The following TENM4 variants were observed in gnomAD, a reference collection of about 807,000 sequenced individuals.
TENM4 encodes teneurin transmembrane protein 4.
In TENM4, 82 loss-of-function variants were observed where a neutral mutation model predicts 243.3. The ratio of observed to expected loss-of-function variants is 0.34; its 90% confidence interval spans 0.28 to 0.40. The LOEUF (loss-of-function observed/expected upper bound fraction) is 0.40, where lower values mean the gene tolerates loss of function less well. Among genes scored for constraint, TENM4 ranks in the 10% least tolerant of loss-of-function variants. The probability of loss-of-function intolerance (pLI) is 1.00; values close to 1 mark genes in which losing one functional copy is unlikely to be tolerated. For synonymous variants in TENM4, 1,412 were observed against 1,456.3 expected (o/e 0.97, Z 0.69); for missense variants, 3,138 against 3,673.3 (o/e 0.85, Z 3.77).
chr11:79,021,703 G>T (rs1591215162), intron 6 of TENM4: 1 of 152,214 alleles, frequency 6.6e-6, no homozygotes, highest in South Asian at 2.1e-4. Flanking sequence ...TATAAATGGG[G>T]TGCCCACTGC....
Position 78,830,761 on chromosome 11 carries a change from A to G in TENM4, c.1682-16366T>C, listed in dbSNP as rs1183108803. ...AACCTTCACACTCAGCCGCCAGGAC[A>G]GTAAATTAAGAGAGAGACTCCGGGC... On this transcript the variant is annotated intron_variant, in intron 12 of 33. Coordinates refer to ENST00000278550, the MANE Select transcript of TENM4 (RefSeq NM_001098816.3). Among the ~76,000 whole-genome samples the G allele has an allele frequency of 2.0e-5, 3 of 152,222 alleles. No homozygotes were observed. The East Asian group carries it at 5.8e-4, about 29-fold the overall frequency.
At chr11:79,193,596 C>T (rs1863562386) in intron 3 of TENM4, among the ~76,000 whole-genome samples, 1 of 152,090 alleles carries the variant, frequency 6.6e-6, no homozygotes, top group Admixed American at 6.5e-5. Context: ...GTAGGAAACT[C>T]CCCACAGACT....
At chr11:79,381,272 C>CT (rs397938602) in intron 1 of TENM4, among the ~76,000 whole-genome samples, 5 of 151,818 alleles carry the variant, frequency 3.3e-5, no homozygotes, top group African/African-American at 1.2e-4. Flanking sequence ...CAAGTACCCC[C>CT]TCAGGAAAGC....
Position 78,688,175 on chromosome 11 carries a change from C to A in TENM4, c.5139G>T (p.Val1713=). 1 of 1,613,898 alleles carries A rather than the reference C, an allele frequency of 6.2e-7. No individual in the cohort carries two copies. The highest frequency in any genetic ancestry group is 8.5e-7 in the Non-Finnish European group (1 of 1,179,842). Residue 1713 remains valine (V), a synonymous_variant, in exon 29 of 34, where the codon GTG becomes GTT. Coordinates refer to ENST00000278550, the MANE Select transcript of TENM4 (RefSeq NM_001098816.3). ...TGTCTGTATCACTTCGGAAACTGCT[C>A]ACCTGGCCAGTAGGGAAGGTCACAT... The part of the protein sequence containing the change: ...LTNVTFPTGQ[V]SSFRSDTDSS...
At chr11:79,349,271 T>G (rs1857377141) in intron 1 of TENM4, among the ~76,000 whole-genome samples, 1 of 152,186 alleles carries the variant, frequency 6.6e-6, no homozygotes, top group Admixed American at 6.5e-5. Flanking sequence ...CTAGGAAGTC[T>G]CTTAAATTAG....
At chr11:79,025,001 T>A (rs575687405) in intron 6 of TENM4, among the ~76,000 whole-genome samples, 6 of 152,098 alleles carry the variant, frequency 3.9e-5, no homozygotes, top group African/African-American at 9.6e-5. Flanking sequence ...GACAGCAACA[T>A]CCCTTGAAAA....
At chr11:78,704,111 G>C (rs28630652) in intron 27 of TENM4, among the ~76,000 whole-genome samples, 1 of 142,562 alleles carries the variant, frequency 7.0e-6, no homozygotes, top group South Asian at 2.2e-4. Context: ...ATGTGTGTGT[G>C]TCTATATATA....
chr11:79,027,631 G>C (rs1859114445), intron 6 of TENM4, among the ~76,000 whole-genome samples: 1 of 152,152 alleles, frequency 6.6e-6, no homozygotes, highest in African/African-American at 2.4e-5. Flanking sequence ...GCTCAGTCTT[G>C]TTCAACACAG....
intron 1 of TENM4, among the ~76,000 whole-genome samples, chr11:79,428,601 A>G (rs1565342770): frequency 6.6e-6 from 1 of 152,242 alleles, no homozygotes; most frequent in African/African-American, 2.4e-5. Flanking sequence ...TCAAAGGACT[A>G]TCATGACATC....
intron 3 of TENM4, among the ~76,000 whole-genome samples, chr11:79,206,383 G>A (rs557227295): frequency 6.6e-6 from 1 of 152,216 alleles, no homozygotes; most frequent in South Asian, 2.1e-4. Context: ...CTAATTTGAG[G>A]TCAAAGCTAT....
At chr11:79,122,327 G>A (rs552979301) in intron 4 of TENM4, among the ~76,000 whole-genome samples, 2 of 152,332 alleles carry the variant, frequency 1.3e-5, no homozygotes, top group South Asian at 2.1e-4. Flanking sequence ...TTACTAAGAA[G>A]AGAATGGAGC....
chr11:79,206,650 T>C (rs1334359883), intron 3 of TENM4, among the ~76,000 whole-genome samples: 1 of 151,982 alleles, frequency 6.6e-6, no homozygotes, highest in Non-Finnish European at 1.5e-5. Context: ...ATAAGTCTCA[T>C]GAGATCTGAT....
intron 3 of TENM4, among the ~76,000 whole-genome samples, chr11:79,197,344 T>TTTC: frequency 6.8e-6 from 1 of 146,534 alleles, no homozygotes; most frequent in African/African-American, 2.7e-5. Flanking sequence ...ACCTGGAAGT[T>TTTC]TTTTTTTTTA....
intron 2 of TENM4, among the ~76,000 whole-genome samples, chr11:79,286,745 G>T (rs1856261436): frequency 6.6e-6 from 1 of 152,124 alleles, no homozygotes; most frequent in African/African-American, 2.4e-5. Context: ...TACATAAGCA[G>T]ATATGAAGCA....
At chr11:79,289,630 C>T (rs1303084785) in intron 2 of TENM4, among the ~76,000 whole-genome samples, 1 of 152,268 alleles carries the variant, frequency 6.6e-6, no homozygotes, top group African/African-American at 2.4e-5. Flanking sequence ...TACTCCCTTA[C>T]AGGTGCTGAT....
At chr11:79,294,383 T>A (rs1337534591) in intron 2 of TENM4, among the ~76,000 whole-genome samples, 2 of 152,186 alleles carry the variant, frequency 1.3e-5, no homozygotes, top group Non-Finnish European at 2.9e-5. Context: ...GAAAAAGATG[T>A]CTCTTCTTCT....
chr11:79,148,642 A>G (rs1241792165), intron 4 of TENM4, 68 bp downstream of exon 4: 1 of 379,360 alleles, frequency 2.6e-6, no homozygotes, highest in Non-Finnish European at 3.6e-6. Context: ...AGAGGTAGAG[A>G]AAAAAAGAAC....
chr11:79,174,271 T>C (rs1863112754), intron 3 of TENM4, among the ~76,000 whole-genome samples: 1 of 151,990 alleles, frequency 6.6e-6, no homozygotes, highest in Non-Finnish European at 1.5e-5. Flanking sequence ...GTGGCAAAGG[T>C]GAAACGTTGT....
At chr11:78,717,539 T>G (rs971280410) in intron 25 of TENM4, among the ~76,000 whole-genome samples, 1 of 152,228 alleles carries the variant, frequency 6.6e-6, no homozygotes, top group Non-Finnish European at 1.5e-5. Context: ...TTTCTGAAGC[T>G]GAGAAATGGG....
Sources: allele counts gnomAD v4.1 joint callset (sites outside exome capture counted in the v4.1 genomes callset), GRCh38; gene constraint gnomAD v4.1.1; transcripts MANE v1.5; gene names NCBI Gene and HGNC (gene_info 2026-07-23, HGNC 2026-07-21).